The following C1S variants were observed in gnomAD, a reference collection of about 807,000 sequenced individuals.
C1S encodes complement C1s subcomponent.
Under a neutral mutation model 54.0 loss-of-function variants are expected in C1S, and 31 were observed. The observed-to-expected ratio is 0.57, with a 90% CI of 0.43 to 0.78. The LOEUF (loss-of-function observed/expected upper bound fraction) is 0.78, where lower values mean the gene tolerates loss of function less well. Among genes scored for constraint, C1S ranks in the 30% least tolerant of loss-of-function variants. C1S has a pLI of 0.00. For synonymous variants in C1S, 292 were observed against 303.6 expected, an observed-to-expected ratio of 0.96 and a Z score of 0.40; for missense variants, 727 against 851.8, an observed-to-expected ratio of 0.85 and a Z score of 1.82.
intron 9 of C1S, 41 bp downstream of exon 9, chr12:7,067,158 A>T: frequency 7.8e-7 from 1 of 1,279,310 alleles, no homozygotes; most frequent in Non-Finnish European, 1.1e-6. Context: ...TTTTTCTCTC[A>T]GAGAGAATGG....
rs1471344261 is a variant in C1S, at chr12:7,067,307, G to A, written c.1066+190G>A. On this transcript the variant is annotated intron_variant, in intron 9 of 11. Coordinates refer to ENST00000360817, the MANE Select transcript of C1S (RefSeq NM_001734.5). The stretch of plus-strand genomic sequence containing the variant: ...ATCTGGTCCCAGGCCAACTAGATCG[G>A]CATGTTTCTTTCCAAGAAAGGGGCT... 1.2e-5 allele frequency: 8 copies of A among 651,440 alleles called. No individual in the cohort carries two copies. In the East Asian group the frequency reaches 2.2e-4, roughly 18 times the overall value. 40.4% of individuals were successfully genotyped at this position (651,440 alleles called of 1,614,324 possible).
At chr12:7,069,339 C>T (rs1937772078) in intron 11 of C1S, among the ~76,000 whole-genome samples, 1 of 152,138 alleles carries the variant, frequency 6.6e-6, no homozygotes, top group African/African-American at 2.4e-5. Flanking sequence ...CCCCTCTCTA[C>T]TTCCTAGGCT....
intron 4 of C1S, 30 bp downstream of exon 4, chr12:7,063,097 T>G (rs782077970): frequency 6.3e-7 from 1 of 1,587,938 alleles, no homozygotes; most frequent in Non-Finnish European, 8.6e-7. Context: ...ATGTGCCTTA[T>G]TGACCCAGCT....
intron 4 of C1S, 128 bp downstream of exon 4, chr12:7,063,195 G>A: frequency 2.3e-6 from 2 of 869,750 alleles, no homozygotes; most frequent in South Asian, 1.6e-5. Context: ...ACTTGGCCTG[G>A]GTCGCTCCAT....
chr12:7,070,240 C>A lies in C1S; in HGVS notation c.1656C>A (p.Gly552=), dbSNP rs1937810917. The change falls in exon 12 of 12, where the codon GGC becomes GGA. Residue 552 remains glycine, a synonymous_variant. Coordinates refer to ENST00000360817, the MANE Select transcript of C1S (RefSeq NM_001734.5). The surrounding 1 kb of genome is among the most constrained non-coding windows in gnomAD (Gnocchi z 4.9). The part of the protein sequence containing the change: ...GPTVSPICLP[G]TSSDYNLMDG... Reference sequence around the variant, plus strand: ...CCGTCTCTCCCATCTGCCTACCAGGCACCTCTTCCGACTACAACCTCATGG... The same window carrying A: ...CCGTCTCTCCCATCTGCCTACCAGGAACCTCTTCCGACTACAACCTCATGG... 3 of 1,614,112 alleles carry A rather than the reference C, an allele frequency of 1.9e-6. No individual in the cohort carries two copies. Among genetic ancestry groups the A allele is most frequent in the Non-Finnish European group, 2.5e-6 (3 of 1,179,946 alleles).
At chr12:7,062,302 G>T in intron 2 of C1S, 173 bp from the exon 3 acceptor site, 1 of 628,814 alleles carries the variant, frequency 1.6e-6, no homozygotes, top group South Asian at 1.8e-5. Context: ...CTTGTCTGAA[G>T]CCTGGGTTTT....
chr12:7,062,517 G>A lies in C1S; in HGVS notation c.48G>A (p.Glu16=), dbSNP rs1487179520. Residue 16 remains glutamate, a synonymous_variant, in exon 3 of 12, where the codon GAG becomes GAA. Transcript: ENST00000360817. ...LFSLLAWVYA[E]PTMYGEILSP... ...CACTTTTGGCATGGGTTTATGCTGAGCCTACCATGTATGGGGAGATCCTGT... is the reference window on the plus strand; with the variant it reads ...CACTTTTGGCATGGGTTTATGCTGAACCTACCATGTATGGGGAGATCCTGT... 2.5e-6 allele frequency: 4 copies of A among 1,613,660 alleles called. No individual in the cohort carries two copies. The highest frequency in any genetic ancestry group is 2.2e-5 in the East Asian group (1 of 44,900).
rs902643313 is a variant in C1S at position 7,070,033 on chromosome 12, A to C, written c.1449A>C (p.Pro483=). The C allele has an allele frequency of 3.7e-6, 6 of 1,614,072 alleles. No homozygotes were observed. In the African/African-American group the frequency reaches 4.0e-5, roughly 11 times the overall value. The part of the protein sequence containing the change: ...AAHVVEGNRE[P]TMYVGSTSVQ... Reference sequence around the variant, plus strand: ...ATGTTGTGGAGGGAAACAGGGAGCCAACAATGTATGTTGGGTCCACCTCAG... The same window carrying C: ...ATGTTGTGGAGGGAAACAGGGAGCCCACAATGTATGTTGGGTCCACCTCAG... Residue 483 remains proline (P), a synonymous_variant, in exon 12 of 12, where the codon CCA becomes CCC. Transcript: ENST00000360817. This position sits in a 1 kb window ranked among gnomAD's most constrained non-coding sequence, Gnocchi z 4.9.
chr12:7,070,178 CT>C lies in C1S; in HGVS notation c.1595del (p.Leu532ArgfsTer4). 1 of 1,614,210 alleles carries C rather than the reference CT, an allele frequency of 6.2e-7. No individual in the cohort carries two copies. The highest frequency in any genetic ancestry group is 8.5e-7 in the Non-Finnish European group (1 of 1,180,030). On this transcript the variant is annotated frameshift_variant, in exon 12 of 12. Coordinates refer to ENST00000360817, the MANE Select transcript of C1S (RefSeq NM_001734.5). LOFTEE classifies it low-confidence loss of function (END_TRUNC). This position sits in a 1 kb window ranked among gnomAD's most constrained non-coding sequence, Gnocchi z 4.9. ...GRTNFDNDIA[L>X]VRLKDPVKMG... ...AACCAATTTTGATAATGACATTGCA[CT>C]GGTGCGGCTGAAAGACCCAGTGAAA...
In C1S at chr12:7,070,889, A is replaced by G; in HGVS notation, c.*238A>G. 1.8e-6 allele frequency: 1 copy of G among 549,476 alleles called. No individual in the cohort carries two copies. Among genetic ancestry groups the G allele is most frequent in the South Asian group, 2.0e-5 (1 of 49,708 alleles). 34.0% of individuals were successfully genotyped at this position (549,476 alleles called of 1,614,324 possible). A position where few individuals can be genotyped will look rare whatever the true frequency, so the allele number is the denominator to read the frequency against. ...CCCCGGAGTACCTATTGTAGATAAC[A>G]CTATGGGTGGGGCACTCCTTTCTTG... On this transcript the variant is annotated 3_prime_UTR_variant, in exon 12 of 12. Transcript: ENST00000360817. The surrounding 1 kb of genome is among the most constrained non-coding windows in gnomAD (Gnocchi z 4.9).
intron 4 of C1S, chr12:7,064,003 C>T: frequency 1.9e-6 from 1 of 528,392 alleles, no homozygotes; most frequent in East Asian, 4.9e-5. Context: ...CACTGCACTC[C>T]AGCCTCGGTG....
rs1396380473 is a variant in C1S, at chr12:7,066,519, A to G, written c.873A>G (p.Pro291=). 1 of 1,590,182 alleles carries G rather than the reference A, an allele frequency of 6.3e-7. No individual in the cohort carries two copies. The highest frequency in any genetic ancestry group is 8.6e-7 in the Non-Finnish European group (1 of 1,158,214). ...TGTCCCAACTTCTGTTCTTTCAAGC[A>G]ATGCCCTGCCCTAAGGAAGACACTC... ...KGWKLRYHGD[P]MPCPKEDTPN... is the part of the protein sequence containing the mutation. Residue 291 remains proline, a splice_region_variant and synonymous_variant, in exon 8 of 12, where the codon CCA becomes CCG. Transcript: ENST00000360817.
In C1S at chr12:7,065,967, G is replaced by A. The variant is rs1555162150; in HGVS notation, c.868G>A (p.Asp290Asn). ...KKGWKLRYHG[D>N]PMPCPKEDTP... ...GGGCTGGAAACTTCGCTATCATGGA[G>A]ATCGTGAGTAACTTAGAAGTGCCTC... The change falls in exon 7 of 12, where the codon GAT (aspartate) becomes AAT (asparagine). Residue 290 changes from aspartate to asparagine, a missense_variant. By Grantham distance (23) the Asp-to-Asn change is conservative. Coordinates refer to ENST00000360817, the MANE Select transcript of C1S (RefSeq NM_001734.5). 1 of 1,613,886 alleles carries A rather than the reference G, an allele frequency of 6.2e-7. No homozygotes were observed. The highest frequency in any genetic ancestry group is 1.1e-5 in the South Asian group (1 of 91,078).
intron 4 of C1S, chr12:7,064,040 A>ACACACACACG: frequency 1.7e-6 from 1 of 592,632 alleles, no homozygotes; most frequent in Non-Finnish European, 3.2e-6. Flanking sequence ...TCACTTACAC[A>ACACACACACG]CACACACCCC....
rs140368637 is a variant in C1S at position 7,065,202 on chromosome 12, G to A, written c.620G>A (p.Arg207Gln). The A allele has an allele frequency of 3.5e-5, 56 of 1,613,838 alleles. No homozygotes were observed. The highest frequency in any genetic ancestry group is 2.0e-4 in the South Asian group (18 of 91,076). The change falls in exon 6 of 12, where the codon CGG (arginine) becomes CAG (glutamine). Residue 207 changes from arginine (R) to glutamine (Q), a missense_variant. By Grantham distance (43) the Arg-to-Gln change is conservative. Around this residue, in one of 3 missense-constraint regions of C1S, gnomAD observed 357 missense variants for 365.4 expected, o/e 0.98. Transcript: ENST00000360817. ...AACTCAAGGTGTGAATACCAGATCCGGTTGGAGAAAGGGTTCCAAGTGGTG... is the reference window on the plus strand; with the variant it reads ...AACTCAAGGTGTGAATACCAGATCCAGTTGGAGAAAGGGTTCCAAGTGGTG... ...PENSRCEYQI[R>Q]LEKGFQVVVT...
At position 7,070,080 on chromosome 12, in the gene C1S, A is replaced by G. The variant is rs782076218; in HGVS notation, c.1496A>G (p.Lys499Arg). The G allele has an allele frequency of 6.2e-7, 1 of 1,614,158 alleles. No individual in the cohort carries two copies. Among genetic ancestry groups the G allele is most frequent in the Non-Finnish European group, 8.5e-7 (1 of 1,180,018 alleles). ...TCAGTGCAGACCTCACGGCTGGCAA[A>G]ATCCAAGATGCTCACTCCTGAGCAT... ...STSVQTSRLA[K>R]SKMLTPEHVF... is the part of the protein sequence containing the mutation. The change falls in exon 12 of 12, where the codon AAA becomes AGA. Residue 499 changes from lysine to arginine, a missense_variant. Physicochemically the swap from Lys to Arg is conservative, Grantham distance 26 (BLOSUM62 2). Transcript: ENST00000360817. The surrounding 1 kb of genome is among the most constrained non-coding windows in gnomAD (Gnocchi z 4.9).
chr12:7,067,470 C>T, intron 9 of C1S, 173 bp from the exon 10 acceptor site: 2 of 782,418 alleles, frequency 2.6e-6, no homozygotes, highest in Non-Finnish European at 4.5e-6. Flanking sequence ...GGTGAGAGAG[C>T]TGAGAGATGC....
At chr12:7,064,466 C>T in intron 5 of C1S, 74 bp downstream of exon 5, 2 of 1,559,558 alleles carry the variant, frequency 1.3e-6, no homozygotes, top group Non-Finnish European at 1.8e-6. Flanking sequence ...GGGCTTTGTC[C>T]ACCCTTCCAA....
intron 7 of C1S, 72 bp from the exon 8 acceptor site, chr12:7,066,446 G>T: frequency 1.2e-6 from 1 of 863,950 alleles, no homozygotes; most frequent in Non-Finnish European, 2.0e-6. Context: ...GTGTGAGAAT[G>T]ATGTAAATAG....
Sources: allele counts gnomAD v4.1 joint callset (sites outside exome capture counted in the v4.1 genomes callset), GRCh38; gene constraint gnomAD v4.1.1; regional missense constraint gnomAD v4.1.1; non-coding constraint Gnocchi (gnomAD v3.1); transcripts MANE v1.5; gene names NCBI Gene and HGNC (gene_info 2026-07-23, HGNC 2026-07-21).